Variants in ALDOB observed in about 807,000 individuals in gnomAD.
ALDOB encodes fructose-bisphosphate aldolase B.
Under a neutral mutation model 41.0 loss-of-function variants are expected in ALDOB, and 39 were observed. The ratio of observed to expected loss-of-function variants is 0.95; its 90% CI spans 0.74 to 1.24. The LOEUF (loss-of-function observed/expected upper bound fraction) is 1.24. ALDOB is among the 50% of genes most tolerant of loss of function. The pLI is 0.00. For synonymous variants in ALDOB, 175 were observed against 168.8 expected, an observed-to-expected ratio of 1.04 and a Z score of -0.28; for missense variants, 530 against 457.3, an observed-to-expected ratio of 1.16 and a Z score of -1.45.
chr9:101,424,732 C>T, intron 8 of ALDOB, 111 bp downstream of exon 8: 2 of 1,286,058 alleles, frequency 1.6e-6, no homozygotes. Flanking sequence ...GCCTAATAGA[C>T]ACTATCGGTA....
chr9:101,429,422 G>A (rs1244511787), intron 3 of ALDOB, among the ~76,000 whole-genome samples: 1 of 152,152 alleles, frequency 6.6e-6, no homozygotes, highest in East Asian at 1.9e-4. Flanking sequence ...GCCTTCCAAA[G>A]TGCTGGGATT....
Position 101,425,003 on chromosome 9 carries a change from G to A in ALDOB, c.839C>T (p.Ala280Val). 6.2e-7 allele frequency: 1 copy of A among 1,614,166 alleles called. No individual in the cohort carries two copies. Among genetic ancestry groups the A allele is most frequent in the Non-Finnish European group, 8.5e-7 (1 of 1,180,026 alleles). The change falls in exon 8 of 9, where the codon GCC (alanine) becomes GTC (valine). Residue 280 changes from alanine (A) to valine (V), a missense_variant. By Grantham distance (64) the Ala-to-Val change is moderately conservative. Transcript: ENST00000647789. ...GTTGATAGCATTGAGGTTGAGAGTG[G>A]CATCCTCTTCACTCATGCCACCAGA... ...FLSGGMSEED[A>V]TLNLNAINLC...
rs186836225 is a variant in ALDOB, at chr9:101,427,521, G to T, written c.501C>A (p.Asn167Lys). ...QCPSSLAIQE[N>K]ANALARYASI... is the part of the protein sequence containing the mutation. ...TGGCGTAGCGAGCCAGGGCGTTGGCGTTTTCCTGGATAGCGAGGCTGGATG... is the reference window on the plus strand; with the variant it reads ...TGGCGTAGCGAGCCAGGGCGTTGGCTTTTTCCTGGATAGCGAGGCTGGATG... Residue 167 changes from asparagine to lysine, a missense_variant, in exon 5 of 9, where the codon AAC becomes AAA. Transcript: ENST00000647789. 1 of 1,614,178 alleles carries T rather than the reference G, an allele frequency of 6.2e-7. No individual in the cohort carries two copies. The highest frequency in any genetic ancestry group is 8.5e-7 in the Non-Finnish European group (1 of 1,180,032).
At chr9:101,426,170 C>T (rs1831126059) in intron 6 of ALDOB, among the ~76,000 whole-genome samples, 1 of 152,212 alleles carries the variant, frequency 6.6e-6, no homozygotes, top group African/African-American at 2.4e-5. Context: ...TTCAGATCCA[C>T]TGTGGCTAAT....
Position 101,429,896 on chromosome 9 carries a change from T to G in ALDOB, c.183A>C (p.Glu61Asp), listed in dbSNP as rs1373617424. 6.2e-7 allele frequency: 1 copy of G among 1,614,032 alleles called. No individual in the cohort carries two copies. The highest frequency in any genetic ancestry group is 1.7e-5 in the Admixed American group (1 of 60,012). Residue 61 changes from glutamate to aspartate, a missense_variant, in exon 3 of 9, where the codon GAA becomes GAC. Coordinates refer to ENST00000647789, the MANE Select transcript of ALDOB (RefSeq NM_000035.4). ...TGGAACTGTCCACAGAGAAGAGGAT[T>G]TCTCGGAACTGCCGGCGGTTCTCTT... The part of the protein sequence containing the change: ...NTEENRRQFR[E>D]ILFSVDSSIN...
At chr9:101,424,740 G>T in intron 8 of ALDOB, 103 bp downstream of exon 8, 2 of 1,369,892 alleles carry the variant, frequency 1.5e-6, no homozygotes, top group South Asian at 2.3e-5. Context: ...GACACTATCG[G>T]TAGATACCTT....
intron 1 of ALDOB, 143 bp from the exon 2 acceptor site, chr9:101,431,040 GGTTT>G: frequency 1.4e-6 from 1 of 696,200 alleles, no homozygotes; most frequent in Non-Finnish European, 2.6e-6. Context: ...AAGCAAATGA[GGTTT>G]GTTTTTCCCC....
rs148613786 is a variant in ALDOB, at chr9:101,426,941, A to G, written c.541-303T>C. On this transcript the variant is annotated intron_variant, in intron 5 of 8. Coordinates refer to ENST00000647789, the MANE Select transcript of ALDOB (RefSeq NM_000035.4). ...TAAGTTGGGTTAATGAAGAAATTCA[A>G]GCAGTGTTTAGAGTTCTAATTGGGG... Among the ~76,000 whole-genome samples, 676 of 152,340 alleles carry G rather than the reference A, an allele frequency of 4.4e-3. 15 individuals carry two copies. The highest frequency in any genetic ancestry group is 3.0e-3 in the Non-Finnish European group (206 of 68,036).
At chr9:101,427,823 AATAGTGTTTTGACATAC>A (rs1278942466) in intron 4 of ALDOB, among the ~76,000 whole-genome samples, 181 bp from the exon 5 acceptor site, 31 of 152,338 alleles carry the variant, frequency 2.0e-4, no homozygotes, top group Non-Finnish European at 3.4e-4. Context: ...AGATTTAATA[AATAGTGTTTTGACATAC>A]ATACTATCTA....
Position 101,421,687 on chromosome 9 carries a change from C to T in ALDOB, c.*122G>A, listed in dbSNP as rs41310087. ...TTTCCCCCTTGTACTTAAGATTTAACATGTGTTGTATTTCCAGCAGTTCAA... is the reference window on the plus strand; with the variant it reads ...TTTCCCCCTTGTACTTAAGATTTAATATGTGTTGTATTTCCAGCAGTTCAA... On this transcript the variant is annotated 3_prime_UTR_variant, in exon 9 of 9. Coordinates refer to ENST00000647789, the MANE Select transcript of ALDOB (RefSeq NM_000035.4). The T allele has an allele frequency of 0.066, 52,405 of 789,742 alleles. 2,056 individuals carry two copies. The highest frequency in any genetic ancestry group is 0.14 in the Middle Eastern group (602 of 4,332). The allele number at this position is 789,742 out of a possible 1,614,324, so 48.9% of individuals were successfully genotyped here. A position where few individuals can be genotyped will look rare whatever the true frequency, so the allele number is the denominator to read the frequency against.
rs764501544 is a variant in ALDOB at position 101,425,546 on chromosome 9, C to A, written c.706G>T (p.Ala236Ser). The A allele has an allele frequency of 1.2e-6, 2 of 1,614,150 alleles. No homozygotes were observed. Among genetic ancestry groups the A allele is most frequent in the African/African-American group, 2.7e-5 (2 of 75,048 alleles). The change falls in exon 7 of 9, where the codon GCT becomes TCT. Residue 236 changes from alanine (A) to serine (S), a missense_variant. Ala to Ser is a moderately conservative substitution (Grantham distance 99, BLOSUM62 1). Coordinates refer to ENST00000647789, the MANE Select transcript of ALDOB (RefSeq NM_000035.4). ...TACTTCTTGGTGCAGGCATGTCCAG[C>A]AGTCACCATGTTGGGCTTTAGCAGG... is the stretch of plus-strand genomic sequence containing the variant. ...GTLLKPNMVT[A>S]GHACTKKYTP...
At chr9:101,429,650 G>A in intron 3 of ALDOB, 105 bp downstream of exon 3, 7 of 1,102,270 alleles carry the variant, frequency 6.4e-6, no homozygotes, top group Non-Finnish European at 9.8e-6. Flanking sequence ...GGTGAGAAGA[G>A]AAATTTGATG....
intron 6 of ALDOB, among the ~76,000 whole-genome samples, chr9:101,426,315 C>G (rs1485093582): frequency 6.6e-6 from 1 of 152,142 alleles, no homozygotes; most frequent in African/African-American, 2.4e-5. Context: ...CCCAAGATCC[C>G]ACAAGTGGAA....
intron 6 of ALDOB, 132 bp downstream of exon 6, chr9:101,426,423 C>A (rs1831129121): frequency 4.3e-6 from 3 of 699,548 alleles, no homozygotes; most frequent in Non-Finnish European, 7.9e-6. Flanking sequence ...TGATGAGCAC[C>A]TCCCTACCTT....
Position 101,428,498 on chromosome 9 carries a change from G to A in ALDOB, c.350C>T (p.Ala117Val). The A allele has an allele frequency of 7.4e-6, 12 of 1,613,978 alleles. No homozygotes were observed. The highest frequency in any genetic ancestry group is 1.0e-5 in the Non-Finnish European group (12 of 1,179,854). The part of the protein sequence containing the change: ...IKLDQGGAPL[A>V]GTNKETTIQG... ...AATGGTGGTTTCTTTGTTTGTTCCT[G>A]CAAGAGGAGCACCTCCTTGGTCTAA... Residue 117 changes from alanine (A) to valine (V), a missense_variant, in exon 4 of 9, where the codon GCA becomes GTA. By Grantham distance (64) the Ala-to-Val change is moderately conservative. Transcript: ENST00000647789.
chr9:101,428,620 G>T, intron 3 of ALDOB, 97 bp from the exon 4 acceptor site: 1 of 1,064,180 alleles, frequency 9.4e-7, no homozygotes, highest in Non-Finnish European at 1.5e-6. Flanking sequence ...AGATCAAGGA[G>T]TTGAATTAGT....
At chr9:101,428,713 C>G (rs1200423876) in intron 3 of ALDOB, among the ~76,000 whole-genome samples, 190 bp from the exon 4 acceptor site, 1 of 152,202 alleles carries the variant, frequency 6.6e-6, no homozygotes, top group Non-Finnish European at 1.5e-5. Context: ...AGTGTCTACC[C>G]TAACATTTAT....
rs777324536 is a variant in ALDOB, at chr9:101,425,554, A to T, written c.698T>A (p.Met233Lys). The T allele has an allele frequency of 1.4e-5, 22 of 1,614,054 alleles. No homozygotes were observed. The highest frequency in any genetic ancestry group is 1.1e-5 in the Non-Finnish European group (13 of 1,180,044). Reference sequence around the variant, plus strand: ...GGTGCAGGCATGTCCAGCAGTCACCATGTTGGGCTTTAGCAGGGTGCCCTC... The same window carrying T: ...GGTGCAGGCATGTCCAGCAGTCACCTTGTTGGGCTTTAGCAGGGTGCCCTC... The part of the protein sequence containing the change: ...YLEGTLLKPN[M>K]VTAGHACTKK... Residue 233 changes from methionine (M) to lysine (K), a missense_variant, in exon 7 of 9, where the codon ATG becomes AAG. Met to Lys is a moderately conservative substitution (Grantham distance 95). Coordinates refer to ENST00000647789, the MANE Select transcript of ALDOB (RefSeq NM_000035.4).
At position 101,427,643 on chromosome 9, in the gene ALDOB, C is replaced by T. The variant is rs1554702666; in HGVS notation, c.380-1G>A. 2 of 1,614,038 alleles carry T rather than the reference C, an allele frequency of 1.2e-6. No individual in the cohort carries two copies. The highest frequency in any genetic ancestry group is 2.2e-5 in the South Asian group (2 of 91,078). ...CAGCGCTCTGAGAGGCCATCAAGCCCTGCAAGTCACAAAAGAGAGAAAGGC... is the reference window on the plus strand; with the variant it reads ...CAGCGCTCTGAGAGGCCATCAAGCCTTGCAAGTCACAAAAGAGAGAAAGGC... On this transcript the variant is annotated splice_acceptor_variant, in intron 4 of 8. Coordinates refer to ENST00000647789, the MANE Select transcript of ALDOB (RefSeq NM_000035.4). LOFTEE classifies it high-confidence loss of function.
Sources: gnomAD v4.1 joint callset for allele counts (sites outside exome capture counted in the v4.1 genomes callset) on GRCh38, gnomAD v4.1.1 for gene constraint, MANE v1.5 for transcripts, NCBI Gene and HGNC (gene_info 2026-07-23, HGNC 2026-07-21) for gene names.